LRP1B: variants seen among roughly 807,000 people sequenced by gnomAD.
LRP1B encodes low-density lipoprotein receptor-related protein 1B.
A neutral mutation model predicts 556.6 loss-of-function variants in LRP1B; 217 were observed. The observed-to-expected ratio is 0.39, with a 90% CI of 0.35 to 0.44. The LOEUF is 0.44. Among genes scored for constraint, LRP1B ranks in the 20% least tolerant of loss-of-function variants. LRP1B has a pLI of 1.00. For missense variants in LRP1B, 5,053 were observed against 5,620.8 expected (o/e 0.90, Z 3.23); for synonymous variants, 2,047 against 1,865.8 (o/e 1.10, Z -2.50).
intron 43 of LRP1B, among the ~76,000 whole-genome samples, chr2:140,553,405 G>T (rs1680616473): frequency 7.1e-6 from 1 of 141,606 alleles, no homozygotes; most frequent in African/African-American, 2.6e-5. Flanking sequence ...TTCCTTTATT[G>T]TGTCTATTGT....
intron 3 of LRP1B, among the ~76,000 whole-genome samples, chr2:141,388,035 G>T (rs376353515): frequency 1.3e-5 from 2 of 152,220 alleles, no homozygotes; most frequent in East Asian, 3.9e-4. Flanking sequence ...GAAAATCAAT[G>T]AAATATGTTT....
At chr2:140,840,870 A>C (rs1258956260) in intron 30 of LRP1B, 48 bp downstream of exon 30, 8 of 1,417,092 alleles carry the variant, frequency 5.6e-6, no homozygotes, top group Non-Finnish European at 7.6e-6. Context: ...ATCAGGGCAA[A>C]AGTCTATGAA....
rs1425649289 is a variant in LRP1B at position 140,364,766 on chromosome 2, C to A, written c.11026G>T (p.Ala3676Ser). The A allele has an allele frequency of 6.2e-7, 1 of 1,609,722 alleles. No homozygotes were observed. The highest frequency in any genetic ancestry group is 8.5e-7 in the Non-Finnish European group (1 of 1,177,146). The change falls in exon 72 of 91, where the codon GCT (alanine) becomes TCT (serine). Residue 3676 changes from alanine (A) to serine (S), a missense_variant. This residue lies in a region of LRP1B where 599 missense variants were observed against 648.4 expected (regional missense o/e 0.92). Transcript: ENST00000389484. ...GAATTATTGCAAAGGAACTCATCAG[C>A]TCTACATATATTTCCTCCTTTATTT... ...NCERGGNICR[A>S]DEFLCNNSLC...
intron 51 of LRP1B, among the ~76,000 whole-genome samples, chr2:140,512,116 G>C (rs991040398): frequency 6.6e-6 from 1 of 152,146 alleles, no homozygotes; most frequent in African/African-American, 2.4e-5. Context: ...ATAATAGAAA[G>C]AGCCCCGATT....
Position 141,840,537 on chromosome 2 carries a change from G to A in LRP1B, c.83-30136C>T, listed in dbSNP as rs1697433493. On this transcript the variant is annotated intron_variant, in intron 1 of 90. Coordinates refer to ENST00000389484, the MANE Select transcript of LRP1B (RefSeq NM_018557.3). ...CTCCCAAAGTGCTGGGATTACAGGT[G>A]AGAGCCACCACGCCCGGCATTATTA... Among the ~76,000 whole-genome samples, 3 of 152,020 alleles carry A rather than the reference G, an allele frequency of 2.0e-5. No individual in the cohort carries two copies. In the South Asian group the frequency reaches 6.2e-4, roughly 31 times the overall value.
intron 41 of LRP1B, among the ~76,000 whole-genome samples, chr2:140,675,514 C>T (rs940214605): frequency 2.6e-5 from 4 of 152,100 alleles, no homozygotes; most frequent in Admixed American, 2.6e-4. Context: ...TCATACTGTT[C>T]TTAATGTGCT....
rs1682044518 is a variant in LRP1B, at chr2:140,353,018, T to G, written c.11585A>C (p.Glu3862Ala). The G allele has an allele frequency of 6.2e-7, 1 of 1,612,826 alleles. No individual in the cohort carries two copies. The highest frequency in any genetic ancestry group is 8.5e-7 in the Non-Finnish European group (1 of 1,179,316). Reference sequence around the variant, plus strand: ...GTCACACACACATTTATATGATCCTTCCACATTTATACATTGATGGGAACA... The same window carrying G: ...GTCACACACACATTTATATGATCCTGCCACATTTATACATTGATGGGAACA... ...GTCSHQCINV[E>A]GSYKCVCDQN... Residue 3862 changes from glutamate (E) to alanine (A), a missense_variant, in exon 76 of 91, where the codon GAA (glutamate) becomes GCA (alanine). This residue lies in a region of LRP1B where 599 missense variants were observed against 648.4 expected (regional missense o/e 0.92). Coordinates refer to ENST00000389484, the MANE Select transcript of LRP1B (RefSeq NM_018557.3).
chr2:140,378,488 G>A (rs751244680), intron 67 of LRP1B, among the ~76,000 whole-genome samples: 2 of 152,064 alleles, frequency 1.3e-5, no homozygotes, highest in African/African-American at 2.4e-5. Context: ...AAAGTCATAA[G>A]TACAAAATGG....
At chr2:141,123,266 A>AT (rs1701112998) in intron 7 of LRP1B, among the ~76,000 whole-genome samples, 2 of 151,652 alleles carry the variant, frequency 1.3e-5, no homozygotes, top group African/African-American at 4.8e-5. Flanking sequence ...AAATAAATAA[A>AT]AAAAAGAAAG....
rs2105468684 is a variant in LRP1B, at chr2:141,062,211, A to G, written c.1076T>C (p.Met359Thr). 1 of 1,611,804 alleles carries G rather than the reference A, an allele frequency of 6.2e-7. No individual in the cohort carries two copies. Residue 359 changes from methionine (M) to threonine (T), a missense_variant, in exon 8 of 91, where the codon ATG (methionine) becomes ACG (threonine). Transcript: ENST00000389484. ...AKVERCDMDG[M>T]NRTRIIDSKT... ...TGAATCAATTATCCTTGTTCGGTTC[A>G]TCCCATCCATGTCACATCTCTCCAC...
intron 1 of LRP1B, among the ~76,000 whole-genome samples, chr2:141,974,869 A>C (rs1387039493): frequency 6.6e-6 from 1 of 152,098 alleles, no homozygotes; most frequent in East Asian, 1.9e-4. Context: ...TTGAGCTGTA[A>C]ATAAATTCAA....
intron 7 of LRP1B, among the ~76,000 whole-genome samples, chr2:141,080,598 T>A (rs532550555): frequency 2.0e-5 from 3 of 152,186 alleles, no homozygotes; most frequent in Non-Finnish European, 4.4e-5. Flanking sequence ...ATCAAATACT[T>A]ATTGAGCATC....
chr2:141,366,039 T>C (rs1689023917), intron 3 of LRP1B, among the ~76,000 whole-genome samples: 1 of 152,184 alleles, frequency 6.6e-6, no homozygotes, highest in Non-Finnish European at 1.5e-5. Context: ...ATTTAAATAA[T>C]CATTATTTTA....
intron 7 of LRP1B, among the ~76,000 whole-genome samples, chr2:141,154,317 G>A (rs930702766): frequency 6.6e-6 from 1 of 151,880 alleles, no homozygotes. Context: ...TAAGACTGAA[G>A]TGGAACACAC....
At chr2:141,772,557 G>A (rs1439950107) in intron 2 of LRP1B, among the ~76,000 whole-genome samples, 1 of 152,170 alleles carries the variant, frequency 6.6e-6, no homozygotes, top group Non-Finnish European at 1.5e-5. Context: ...CGGCGCTGGT[G>A]GATTCACAAG....
intron 7 of LRP1B, among the ~76,000 whole-genome samples, chr2:141,070,767 A>T (rs898100697): frequency 6.6e-6 from 1 of 152,234 alleles, no homozygotes; most frequent in South Asian, 2.1e-4. Flanking sequence ...GAAATGGATA[A>T]ATTCCTCAAC....
At chr2:141,967,835 T>G (rs1173423283) in intron 1 of LRP1B, among the ~76,000 whole-genome samples, 1 of 151,882 alleles carries the variant, frequency 6.6e-6, no homozygotes, top group Admixed American at 6.6e-5. Context: ...ACAATTGAGT[T>G]TATATCTCTT....
chr2:141,056,730 T>C (rs950117335), intron 9 of LRP1B, among the ~76,000 whole-genome samples: 1 of 151,918 alleles, frequency 6.6e-6, no homozygotes, highest in Non-Finnish European at 1.5e-5. Flanking sequence ...TTCACATCCA[T>C]AGTCATGGCT....
At chr2:142,103,621 A>G (rs1706642138) in intron 1 of LRP1B, among the ~76,000 whole-genome samples, 1 of 152,078 alleles carries the variant, frequency 6.6e-6, no homozygotes, top group Non-Finnish European at 1.5e-5. Flanking sequence ...AAAAAGAAAG[A>G]AGTCTTGGCC....
Sources: allele counts gnomAD v4.1 joint callset (sites outside exome capture counted in the v4.1 genomes callset), GRCh38; gene constraint gnomAD v4.1.1; regional missense constraint gnomAD v4.1.1; transcripts MANE v1.5; gene names NCBI Gene and HGNC (gene_info 2026-07-23, HGNC 2026-07-21).